Variants in BATF observed in about 807,000 individuals in gnomAD.
BATF encodes the protein basic leucine zipper transcriptional factor ATF-like.
In BATF, 5 loss-of-function variants were observed where a neutral mutation model predicts 13.7. The observed-to-expected ratio is 0.36, with a 90% CI of 0.19 to 0.77. BATF has a LOEUF of 0.77. Ranked by LOEUF, BATF falls within the 30% of genes least tolerant of loss-of-function variation. The pLI is 0.51. For synonymous variants in BATF, 72 were observed against 67.5 expected, an observed-to-expected ratio of 1.07 and a Z score of -0.33; for missense variants, 124 against 163.0, an observed-to-expected ratio of 0.76 and a Z score of 1.30.
intron 1 of BATF, among the ~76,000 whole-genome samples, chr14:75,523,525 A>G (rs74065257): frequency 0.03 from 4,639 of 152,208 alleles, 212 homozygotes; most frequent in African/African-American, 0.11. Context: ...TCCAAGTCCA[A>G]AGGTTTTAGC....
chr14:75,546,400 A>AC, intron 2 of BATF, 62 bp from the exon 3 acceptor site: 1 of 1,569,398 alleles, frequency 6.4e-7, no homozygotes, highest in Non-Finnish European at 8.7e-7. Context: ...GTCCCTCCGC[A>AC]CCCCACCCAC....
chr14:75,524,111 C>T (rs11849403), intron 1 of BATF, among the ~76,000 whole-genome samples: 1,745 of 152,246 alleles, frequency 0.011, 46 homozygotes, highest in African/African-American at 0.039. Context: ...CTGTGGGAGA[C>T]GTGGAAGGGA....
intron 2 of BATF, among the ~76,000 whole-genome samples, chr14:75,531,564 C>G (rs1446232725): frequency 6.6e-6 from 1 of 152,142 alleles, no homozygotes; most frequent in East Asian, 1.9e-4. Flanking sequence ...GGGCCAGGTG[C>G]TTGCCTGGGG....
chr14:75,534,320 A>G (rs1162722784), intron 2 of BATF, among the ~76,000 whole-genome samples: 2 of 152,238 alleles, frequency 1.3e-5, no homozygotes, highest in African/African-American at 4.8e-5. Context: ...CAAAATGAAA[A>G]TACCCTAATT....
chr14:75,543,097 C>A (rs1018865127), intron 2 of BATF, among the ~76,000 whole-genome samples: 5 of 152,208 alleles, frequency 3.3e-5, no homozygotes, highest in Non-Finnish European at 5.9e-5. Flanking sequence ...GGACTCCCGG[C>A]CCCCAGTTCC....
intron 2 of BATF, among the ~76,000 whole-genome samples, chr14:75,545,388 A>ATTTTTTTTTTTT (rs35791450): frequency 1.8e-4 from 19 of 105,214 alleles, no homozygotes; most frequent in Non-Finnish European, 2.7e-4. Context: ...CGCCTGGTTA[A>ATTTTTTTTTTTT]TTTTTTTTTT....
intron 2 of BATF, among the ~76,000 whole-genome samples, chr14:75,534,680 A>G (rs1256304369): frequency 2.0e-5 from 3 of 152,254 alleles, no homozygotes; most frequent in African/African-American, 7.2e-5. Flanking sequence ...ATTGGCAACA[A>G]GTAAATTATT....
chr14:75,524,797 C>A (rs1325384341), intron 1 of BATF, among the ~76,000 whole-genome samples: 5 of 146,702 alleles, frequency 3.4e-5, no homozygotes, highest in Non-Finnish European at 7.4e-5. Flanking sequence ...ATCGCCTTAA[C>A]CATTTTTTTT....
intron 2 of BATF, among the ~76,000 whole-genome samples, chr14:75,544,357 G>C (rs1023602691): frequency 1.3e-5 from 2 of 151,944 alleles, no homozygotes; most frequent in Non-Finnish European, 2.9e-5. Context: ...CTGAGGTCAG[G>C]AGTTCAAGAC....
chr14:75,528,229 A>C (rs1452267952), intron 2 of BATF, among the ~76,000 whole-genome samples: 1 of 152,196 alleles, frequency 6.6e-6, no homozygotes, highest in Non-Finnish European at 1.5e-5. Context: ...GGAGCTACTG[A>C]GAGTACCATA....
chr14:75,537,467 G>A (rs1403585785), intron 2 of BATF, among the ~76,000 whole-genome samples: 1 of 152,164 alleles, frequency 6.6e-6, no homozygotes, highest in Non-Finnish European at 1.5e-5. Flanking sequence ...AACGTGATTT[G>A]ATCGAACACT....
intron 2 of BATF, among the ~76,000 whole-genome samples, chr14:75,536,952 T>G (rs1294649093): frequency 6.6e-6 from 1 of 152,174 alleles, no homozygotes; most frequent in Non-Finnish European, 1.5e-5. Context: ...TTGTCATTTT[T>G]TTTTTACACT....
At chr14:75,536,932 C>T (rs1887827920) in intron 2 of BATF, among the ~76,000 whole-genome samples, 1 of 151,712 alleles carries the variant, frequency 6.6e-6, no homozygotes, top group African/African-American at 2.4e-5. Context: ...AATGTAAGAA[C>T]AAAGCAATAT....
chr14:75,525,631 C>G (rs1371835273), intron 2 of BATF, among the ~76,000 whole-genome samples: 2 of 144,294 alleles, frequency 1.4e-5, no homozygotes, highest in Non-Finnish European at 3.0e-5. Context: ...TGCATTCAAA[C>G]CTGGGTGATA....
chr14:75,534,491 C>T lies in BATF; in HGVS notation c.168+9303C>T, dbSNP rs180871868. On this transcript the variant is annotated intron_variant, in intron 2 of 2. Coordinates refer to ENST00000286639, the MANE Select transcript of BATF (RefSeq NM_006399.5). ...GATGCCAGTAGAACACCCCCTCACC[C>T]TGCTTAGTTTGATAACCAAAAATAT... 2.1e-3 allele frequency among the ~76,000 whole-genome samples: 313 copies of T among 152,284 alleles called. 3 individuals carry two copies. Among genetic ancestry groups the T allele is most frequent in the African/African-American group, 7.3e-3 (305 of 41,550 alleles).
intron 2 of BATF, among the ~76,000 whole-genome samples, chr14:75,544,827 A>G (rs1171697187): frequency 7.3e-6 from 1 of 136,334 alleles, no homozygotes; most frequent in East Asian, 2.1e-4. Flanking sequence ...ATCTCCAATG[A>G]TATTTGCCTT....
chr14:75,538,361 T>C (rs1233362677), intron 2 of BATF, among the ~76,000 whole-genome samples: 1 of 152,104 alleles, frequency 6.6e-6, no homozygotes, highest in East Asian at 1.9e-4. Flanking sequence ...TCCAGAACAA[T>C]TAAATTGGAA....
chr14:75,526,368 T>C (rs915903402), intron 2 of BATF, among the ~76,000 whole-genome samples: 2 of 152,202 alleles, frequency 1.3e-5, no homozygotes, highest in Non-Finnish European at 2.9e-5. Flanking sequence ...TTACCTCTAA[T>C]AGCCTAGCAA....
intron 2 of BATF, among the ~76,000 whole-genome samples, chr14:75,527,171 G>A (rs1390907655): frequency 2.0e-5 from 3 of 152,022 alleles, no homozygotes; most frequent in African/African-American, 7.3e-5. Flanking sequence ...CACAATGCCT[G>A]TCATTCATAA....
Sources: allele counts gnomAD v4.1 joint callset (sites outside exome capture counted in the v4.1 genomes callset), GRCh38; gene constraint gnomAD v4.1.1; transcripts MANE v1.5; gene names NCBI Gene and HGNC (gene_info 2026-07-23, HGNC 2026-07-21).